The following DNAH12 variants were observed in gnomAD, a reference collection of about 807,000 sequenced individuals.
The protein encoded by DNAH12 is dynein axonemal heavy chain 12, also known as axonemal beta dynein heavy chain 12.
Under a neutral mutation model 371.5 loss-of-function variants are expected in DNAH12, and 285 were observed. The ratio of observed to expected loss-of-function variants is 0.77; its 90% confidence interval spans 0.70 to 0.85. DNAH12 has a LOEUF of 0.85. Among genes scored for constraint, DNAH12 ranks in the 40% least tolerant of loss-of-function variants. The pLI, the probability that DNAH12 is intolerant of heterozygous loss-of-function variation, is 0.00. For missense variants in DNAH12, 3,611 were observed against 3,689.4 expected, an observed-to-expected ratio of 0.98 and a Z score of 0.55; for synonymous variants, 1,200 against 1,213.0, an observed-to-expected ratio of 0.99 and a Z score of 0.22.
chr3:57,479,016 G>C (rs903986286), intron 13 of DNAH12, among the ~76,000 whole-genome samples: 18 of 152,122 alleles, frequency 1.2e-4, no homozygotes, highest in East Asian at 3.9e-4. Context: ...ACTGCATCAA[G>C]TAACGAGCAA....
intron 27 of DNAH12, 150 bp downstream of exon 27, chr3:57,445,881 G>C (rs542017627): frequency 1.5e-6 from 1 of 645,452 alleles, no homozygotes; most frequent in African/African-American, 1.9e-5. Context: ...CCAGCTACTC[G>C]GGAGACTGAG....
chr3:57,530,547 G>T (rs9825059), intron 2 of DNAH12: 329,198 of 695,234 alleles, frequency 0.47, 81,488 homozygotes, highest in Middle Eastern at 0.57. Context: ...AATTTTTTTA[G>T]ATTGTTTTTT....
At chr3:57,419,806 T>C (rs990070963) in intron 36 of DNAH12, among the ~76,000 whole-genome samples, 1 of 152,320 alleles carries the variant, frequency 6.6e-6, no homozygotes, top group East Asian at 1.9e-4. Flanking sequence ...ATATTCAACA[T>C]ATCTAACATT....
intron 29 of DNAH12, among the ~76,000 whole-genome samples, chr3:57,438,264 T>C (rs1458186802): frequency 1.3e-5 from 2 of 152,052 alleles, no homozygotes; most frequent in African/African-American, 4.8e-5. Context: ...TGAGCCAAGA[T>C]TGCACCACTG....
intron 12 of DNAH12, among the ~76,000 whole-genome samples, chr3:57,488,189 TTTTG>T (rs1020710975): frequency 3.3e-5 from 5 of 152,004 alleles, no homozygotes; most frequent in Admixed American, 1.3e-4. Flanking sequence ...TTCTTTTTGT[TTTTG>T]TTTGTTTGTT....
chr3:57,454,734 C>G, intron 23 of DNAH12, 41 bp downstream of exon 23: 3 of 1,541,846 alleles, frequency 1.9e-6, no homozygotes, highest in African/African-American at 1.4e-5. Flanking sequence ...TTTAAAAAAC[C>G]TGGAATGAAG....
chr3:57,401,476 A>C (rs1190160126), intron 43 of DNAH12, among the ~76,000 whole-genome samples: 3 of 148,724 alleles, frequency 2.0e-5, no homozygotes, highest in Admixed American at 6.8e-5. Context: ...AGACAGGAGA[A>C]TCGCTTGAAC....
At chr3:57,516,177 C>T (rs1404619409) in intron 4 of DNAH12, among the ~76,000 whole-genome samples, 1 of 149,002 alleles carries the variant, frequency 6.7e-6, no homozygotes, top group African/African-American at 2.5e-5. Context: ...GATGTTCCTG[C>T]CTCAGCCTCC....
At chr3:57,418,564 T>A (rs1329750458) in intron 37 of DNAH12, among the ~76,000 whole-genome samples, 3 of 150,480 alleles carry the variant, frequency 2.0e-5, no homozygotes, top group Non-Finnish European at 4.4e-5. Flanking sequence ...AAAACTGCTA[T>A]ACTAGAAATG....
At chr3:57,553,305 C>G in the DNAH12 span, among the ~76,000 whole-genome samples, 1 of 152,226 alleles carries the variant, frequency 6.6e-6, no homozygotes, top group Non-Finnish European at 1.5e-5. Context: ...CTTTGTCCTT[C>G]TCCAACCCCA....
chr3:57,459,129 G>T (rs1029745939), intron 20 of DNAH12, among the ~76,000 whole-genome samples: 1 of 152,216 alleles, frequency 6.6e-6, no homozygotes, highest in Non-Finnish European at 1.5e-5. Flanking sequence ...CATTTACTGG[G>T]AGAGACATAG....
intron 43 of DNAH12, among the ~76,000 whole-genome samples, chr3:57,402,213 G>A (rs999582161): frequency 6.6e-5 from 10 of 152,146 alleles, no homozygotes; most frequent in African/African-American, 1.9e-4. Flanking sequence ...CCGCCTAGAA[G>A]TAGCAAAGAA....
At chr3:57,478,243 C>G (rs1377791610) in intron 13 of DNAH12, among the ~76,000 whole-genome samples, 1 of 152,108 alleles carries the variant, frequency 6.6e-6, no homozygotes, top group African/African-American at 2.4e-5. Flanking sequence ...CCTGATGGAG[C>G]TGAAAACCAA....
intron 35 of DNAH12, among the ~76,000 whole-genome samples, chr3:57,422,062 A>C (rs1458148329): frequency 6.6e-6 from 1 of 150,962 alleles, no homozygotes; most frequent in Non-Finnish European, 1.5e-5. Flanking sequence ...GTACACCACA[A>C]AGCCTGACTA....
At chr3:57,406,872 T>C (rs146669033) in intron 40 of DNAH12, among the ~76,000 whole-genome samples, 2 of 152,290 alleles carry the variant, frequency 1.3e-5, no homozygotes, top group African/African-American at 4.8e-5. Flanking sequence ...AAGCCTTTTA[T>C]AATATAGTCA....
chr3:57,482,010 G>T (rs1020429280), intron 13 of DNAH12, among the ~76,000 whole-genome samples: 1 of 152,122 alleles, frequency 6.6e-6, no homozygotes, highest in African/African-American at 2.4e-5. Flanking sequence ...CATAGGCATG[G>T]GCAAGGACTT....
At chr3:57,359,079 C>T (rs1018536622) in intron 58 of DNAH12, among the ~76,000 whole-genome samples, 2 of 152,200 alleles carry the variant, frequency 1.3e-5, no homozygotes, top group African/African-American at 2.4e-5. Context: ...CCACTGCACC[C>T]GGCCGTAATT....
At chr3:57,325,897 A>G (rs187096016) in intron 62 of DNAH12, among the ~76,000 whole-genome samples, 1 of 152,372 alleles carries the variant, frequency 6.6e-6, no homozygotes, top group Non-Finnish European at 1.5e-5. Context: ...CTGAAAGCCA[A>G]GGCACGAGAA....
intron 69 of DNAH12, among the ~76,000 whole-genome samples, chr3:57,307,307 TC>T (rs1005927624): frequency 9.9e-5 from 15 of 152,022 alleles, no homozygotes; most frequent in Admixed American, 4.6e-4. Context: ...AGATCCTAAA[TC>T]CTTTCCCCAC....
Sources: gnomAD v4.1 joint callset for allele counts (sites outside exome capture counted in the v4.1 genomes callset) on GRCh38, gnomAD v4.1.1 for gene constraint, MANE v1.5 for transcripts, NCBI Gene and HGNC (gene_info 2026-07-23, HGNC 2026-07-21) for gene names.